The following UBAP2 variants were observed in gnomAD, a reference collection of about 807,000 sequenced individuals.
UBAP2 encodes ubiquitin-associated protein 2.
UBAP2 carries 75 observed loss-of-function variants against 139.6 expected under a neutral mutation model. The observed-to-expected ratio is 0.54, with a 90% CI of 0.45 to 0.65. The LOEUF (loss-of-function observed/expected upper bound fraction) is 0.65. UBAP2 is among the 30% of genes least tolerant of loss of function. The pLI is 0.00. For synonymous variants in UBAP2, 526 were observed against 526.2 expected (o/e 1.00, Z 0.01); for missense variants, 1,368 against 1,369.6 (o/e 1.00, Z 0.02).
At chr9:34,043,395 G>A (rs186083816) in intron 1 of UBAP2, among the ~76,000 whole-genome samples, 149 of 152,248 alleles carry the variant, frequency 9.8e-4, no homozygotes, top group African/African-American at 3.5e-3. Flanking sequence ...TCCAACTCCT[G>A]GGCTCAAGTG....
At chr9:33,926,555 A>G in intron 22 of UBAP2, 62 bp downstream of exon 22, 1 of 1,584,528 alleles carries the variant, frequency 6.3e-7, no homozygotes, top group South Asian at 1.1e-5. Context: ...CCAAGACCAT[A>G]AGAGGGGGGA....
At chr9:34,025,571 AAATAT>A (rs1213346185) in intron 1 of UBAP2, among the ~76,000 whole-genome samples, 1 of 152,250 alleles carries the variant, frequency 6.6e-6, no homozygotes, top group African/African-American at 2.4e-5. Flanking sequence ...AAAATCAGCA[AAATAT>A]AATATAAAGC....
intron 13 of UBAP2, among the ~76,000 whole-genome samples, chr9:33,945,407 G>A (rs1362923368): frequency 6.6e-6 from 1 of 152,088 alleles, no homozygotes; most frequent in Non-Finnish European, 1.5e-5. Flanking sequence ...GCTGAGGCAG[G>A]CCCTATGACG....
At chr9:34,001,204 A>C (rs1438363560) in intron 2 of UBAP2, among the ~76,000 whole-genome samples, 3 of 152,258 alleles carry the variant, frequency 2.0e-5, no homozygotes, top group South Asian at 4.1e-4. Context: ...AGTCAAAAAT[A>C]TAGAGAGAAA....
At chr9:33,991,682 A>G (rs1821723963) in intron 4 of UBAP2, among the ~76,000 whole-genome samples, 1 of 152,204 alleles carries the variant, frequency 6.6e-6, no homozygotes, top group South Asian at 2.1e-4. Context: ...TCTATGCCAG[A>G]GAAAATAATG....
chr9:33,926,592 T>C (rs1587502484), intron 22 of UBAP2, 25 bp downstream of exon 22: 1 of 1,613,980 alleles, frequency 6.2e-7, no homozygotes, highest in South Asian at 1.1e-5. Flanking sequence ...AACCCTCTGC[T>C]CCGACCAGTC....
chr9:33,953,725 C>G (rs1249925753), intron 11 of UBAP2, among the ~76,000 whole-genome samples: 2 of 151,974 alleles, frequency 1.3e-5, no homozygotes, highest in Non-Finnish European at 2.9e-5. Context: ...AAAGTAATGA[C>G]TAACACATTA....
At chr9:33,979,076 C>T (rs898613585) in intron 6 of UBAP2, among the ~76,000 whole-genome samples, 1 of 151,952 alleles carries the variant, frequency 6.6e-6, no homozygotes, top group Non-Finnish European at 1.5e-5. Flanking sequence ...GCCTACAATG[C>T]TTTTGAAAAT....
chr9:34,018,731 C>T (rs985819235), intron 1 of UBAP2, among the ~76,000 whole-genome samples: 12 of 151,734 alleles, frequency 7.9e-5, no homozygotes, highest in South Asian at 2.1e-4. Flanking sequence ...GGCGTAGTGG[C>T]GGGCGACTGT....
In UBAP2 at chr9:33,935,991, T is replaced by C. The variant is rs904670320; in HGVS notation, c.1930-113A>G. On this transcript the variant is annotated intron_variant, in intron 16 of 28. Transcript: ENST00000379238. ...TTAATCAAGAAACAATTATCTCTTT[T>C]ATTCTATTTTTTAATAAAGGGAAGA... is the stretch of plus-strand genomic sequence containing the variant. 7 of 1,038,678 alleles carry C rather than the reference T, an allele frequency of 6.7e-6. No homozygotes were observed. The East Asian group carries it at 1.6e-4, about 24-fold the overall frequency. The allele number at this position is 1,038,678 out of a possible 1,614,324, so 64.3% of individuals were successfully genotyped here.
In UBAP2 at chr9:33,927,031, G is replaced by C. The variant is rs753752965; in HGVS notation, c.2421C>G (p.Asn807Lys). The C allele has an allele frequency of 2.5e-6, 4 of 1,614,130 alleles. No homozygotes were observed. In the Admixed American group the frequency reaches 5.0e-5, roughly 20 times the overall value. ...GTCCTCCGGGACCTACGAGGTACTG[G>C]TTGTGCAGCAGGGGAGGCACCCCCT... ...LPQGVPPLLHNQYLVGPGGLL... is the reference protein window; with the variant it reads ...LPQGVPPLLHKQYLVGPGGLL... Residue 807 changes from asparagine to lysine, a missense_variant, in exon 21 of 29, where the codon AAC becomes AAG. Coordinates refer to ENST00000379238, the MANE Select transcript of UBAP2 (RefSeq NM_001370062.2).
At chr9:34,020,818 C>T (rs997957745) in intron 1 of UBAP2, among the ~76,000 whole-genome samples, 2 of 148,860 alleles carry the variant, frequency 1.3e-5, no homozygotes, top group Non-Finnish European at 3.0e-5. Context: ...CGCCACCAAG[C>T]CCAGCTAATT....
At chr9:33,982,080 C>T (rs1366476848) in intron 6 of UBAP2, among the ~76,000 whole-genome samples, 1 of 152,024 alleles carries the variant, frequency 6.6e-6, no homozygotes, top group Non-Finnish European at 1.5e-5. Context: ...CAAGACAGGC[C>T]CCACTCCTTG....
intron 6 of UBAP2, among the ~76,000 whole-genome samples, chr9:33,981,571 C>T (rs547893123): frequency 1.3e-5 from 2 of 151,130 alleles, no homozygotes; most frequent in East Asian, 3.9e-4. Context: ...CCACTCTGAT[C>T]TTGAACTCCT....
chr9:34,013,631 C>T (rs1223527556), intron 2 of UBAP2, among the ~76,000 whole-genome samples: 2 of 152,106 alleles, frequency 1.3e-5, no homozygotes, highest in Non-Finnish European at 2.9e-5. Flanking sequence ...AATCCCAGCA[C>T]TCTGGGAGGC....
rs1218963611 is a variant in UBAP2 at position 33,962,184 on chromosome 9, T to C, written c.746-1306A>G. ...TGATGAAACATTACAAAAACCTACATAAAAAATATTAAAGTACTCTAAAGC... is the reference window on the plus strand; with the variant it reads ...TGATGAAACATTACAAAAACCTACACAAAAAATATTAAAGTACTCTAAAGC... On this transcript the variant is annotated intron_variant, in intron 9 of 28. Transcript: ENST00000379238. 2.0e-5 allele frequency among the ~76,000 whole-genome samples: 3 copies of C among 152,278 alleles called. No homozygotes were observed. The East Asian group carries it at 5.8e-4, about 29-fold the overall frequency.
At chr9:33,985,469 T>G (rs1175432692) in intron 6 of UBAP2, among the ~76,000 whole-genome samples, 1 of 152,156 alleles carries the variant, frequency 6.6e-6, no homozygotes, top group African/African-American at 2.4e-5. Flanking sequence ...TATTTACAGG[T>G]TGGAATACTA....
intron 1 of UBAP2, among the ~76,000 whole-genome samples, chr9:34,035,373 G>A (rs1024055234): frequency 6.6e-6 from 1 of 150,578 alleles, no homozygotes; most frequent in African/African-American, 2.4e-5. Context: ...ATGATGGCGG[G>A]TGCCTGTAAT....
intron 8 of UBAP2, among the ~76,000 whole-genome samples, chr9:33,966,600 G>A (rs1827477429): frequency 6.6e-6 from 1 of 152,156 alleles, no homozygotes; most frequent in African/African-American, 2.4e-5. Context: ...CACTGAATAT[G>A]TTCCCTTTTA....
Sources: allele counts gnomAD v4.1 joint callset (sites outside exome capture counted in the v4.1 genomes callset), GRCh38; gene constraint gnomAD v4.1.1; transcripts MANE v1.5; gene names NCBI Gene and HGNC (gene_info 2026-07-23, HGNC 2026-07-21).